The following SPINDOC variants were observed in gnomAD, a reference collection of about 807,000 sequenced individuals.
SPINDOC encodes the protein spindlin interactor and repressor of chromatin-binding protein.
In SPINDOC, 13 loss-of-function variants were observed where a neutral mutation model predicts 30.7. That is an observed-to-expected ratio of 0.42 (90% CI 0.28 to 0.67). The LOEUF (loss-of-function observed/expected upper bound fraction) is 0.67. Ranked by LOEUF, SPINDOC falls within the 30% of genes least tolerant of loss-of-function variation. The pLI, the probability that SPINDOC is intolerant of heterozygous loss-of-function variation, is 0.22. For missense variants in SPINDOC, 438 were observed against 518.0 expected (o/e 0.85, Z 1.50); for synonymous variants, 228 against 211.4 (o/e 1.08, Z -0.68).
At chr11:63,813,964 G>A in intron 1 of SPINDOC, 151 bp downstream of exon 1, 1 of 963,982 alleles carries the variant, frequency 1.0e-6, no homozygotes, top group Non-Finnish European at 1.4e-6. Flanking sequence ...TCCAGGGCGC[G>A]CTCTTGCACC....
At position 63,818,295 on chromosome 11, in the gene SPINDOC, T is replaced by C. The variant is rs780782688; in HGVS notation, c.537T>C (p.Leu179=). ...TGCCAGCCGAAATCGTCGTTCTCCT[T>C]GACTCTGAGGATAACCCATCCCTCC... ...ARMPAEIVVL[L]DSEDNPSLPK... is the part of the protein sequence containing the mutation. The change falls in exon 3 of 6, where the codon CTT becomes CTC. Residue 179 remains leucine, a synonymous_variant. Coordinates refer to ENST00000294244, the MANE Select transcript of SPINDOC (RefSeq NM_138471.3). This position sits in a 1 kb window ranked among gnomAD's most constrained non-coding sequence, Gnocchi z 5.3. 1.9e-6 allele frequency: 3 copies of C among 1,613,890 alleles called. No individual in the cohort carries two copies. Among genetic ancestry groups the C allele is most frequent in the South Asian group, 1.1e-5 (1 of 91,066 alleles).
In SPINDOC at chr11:63,827,076, C is replaced by T. The variant is rs201677326; in HGVS notation, c.1083C>T (p.Pro361=). The change falls in exon 6 of 6, where the codon CCC becomes CCT. Residue 361 remains proline, a synonymous_variant. Transcript: ENST00000294244. ...GAGCAGGTGACACCTCAGACTGGCC[C>T]ACAGTTCTGTCAGAATCCAGCACCA... is the stretch of plus-strand genomic sequence containing the variant. ...RVGAGDTSDW[P]TVLSESSTTV... 6.2e-7 allele frequency: 1 copy of T among 1,610,876 alleles called. No individual in the cohort carries two copies. The highest frequency in any genetic ancestry group is 2.2e-5 in the East Asian group (1 of 44,702).
At position 63,818,381 on chromosome 11, in the gene SPINDOC, A is replaced by G; in HGVS notation, c.607+16A>G. ...GAGCTTCCTGGTTAGTCAACAGAGA[A>G]GCCAGTGAGCCCCGGTGGAGGTGGG... is the stretch of plus-strand genomic sequence containing the variant. On this transcript the variant is annotated intron_variant, in intron 3 of 5. Transcript: ENST00000294244. This position sits in a 1 kb window ranked among gnomAD's most constrained non-coding sequence, Gnocchi z 5.3. 6.2e-7 allele frequency: 1 copy of G among 1,612,520 alleles called. No homozygotes were observed. The highest frequency in any genetic ancestry group is 8.5e-7 in the Non-Finnish European group (1 of 1,179,184).
At chr11:63,826,861 CA>C (rs2015665286) in intron 5 of SPINDOC, 66 bp from the exon 6 acceptor site, 4 of 795,326 alleles carry the variant, frequency 5.0e-6, no homozygotes, top group South Asian at 4.3e-5. Flanking sequence ...GCGGAGCTTC[CA>C]GGGGGCATCC....
At position 63,818,557 on chromosome 11, in the gene SPINDOC, A is replaced by C; in HGVS notation, c.638A>C (p.Lys213Thr). Residue 213 changes from lysine (K) to threonine (T), a missense_variant, in exon 4 of 6, where the codon AAG becomes ACG. Lys to Thr is a moderately conservative substitution (Grantham distance 78). Around this residue, in one of 3 missense-constraint regions of SPINDOC, gnomAD observed 300 missense variants for 332.8 expected, o/e 0.90. Coordinates refer to ENST00000294244, the MANE Select transcript of SPINDOC (RefSeq NM_138471.3). This position sits in a 1 kb window ranked among gnomAD's most constrained non-coding sequence, Gnocchi z 5.3. ...CCTGCCACAGAGCCAGGAAATAAGAAGCCCCGTGGTCAGAGATGGAAGGAA... is the reference window on the plus strand; with the variant it reads ...CCTGCCACAGAGCCAGGAAATAAGACGCCCCGTGGTCAGAGATGGAAGGAA... ...AVPATEPGNK[K>T]PRGQRWKEPP... The C allele has an allele frequency of 6.2e-7, 1 of 1,613,360 alleles. No individual in the cohort carries two copies. Among genetic ancestry groups the C allele is most frequent in the Non-Finnish European group, 8.5e-7 (1 of 1,180,020 alleles).
At chr11:63,822,895 G>A in intron 5 of SPINDOC, 10 of 1,287,578 alleles carry the variant, frequency 7.8e-6, no homozygotes, top group Non-Finnish European at 1.0e-5. Flanking sequence ...TTTCTTTGGG[G>A]TGAGTGGGCA....
intron 5 of SPINDOC, among the ~76,000 whole-genome samples, chr11:63,826,551 C>T (rs1386178004): frequency 6.6e-6 from 1 of 152,174 alleles, no homozygotes; most frequent in Non-Finnish European, 1.5e-5. Context: ...CTCTGCCCCA[C>T]TCAGGCAGAA....
Position 63,813,629 on chromosome 11 carries a change from T to C in SPINDOC, c.-58T>C. Reference sequence around the variant, plus strand: ...CAGGAGGCGGGAGGCGGTTGCCGGCTGCGCGCCGAAGCCTGCGCGCCAGTC... The same window carrying C: ...CAGGAGGCGGGAGGCGGTTGCCGGCCGCGCGCCGAAGCCTGCGCGCCAGTC... On this transcript the variant is annotated 5_prime_UTR_variant, in exon 1 of 6. Coordinates refer to ENST00000294244, the MANE Select transcript of SPINDOC (RefSeq NM_138471.3). The C allele has an allele frequency of 2.1e-6, 3 of 1,434,652 alleles. No individual in the cohort carries two copies. Among genetic ancestry groups the C allele is most frequent in the Non-Finnish European group, 2.8e-6 (3 of 1,089,874 alleles). 88.9% of individuals were successfully genotyped at this position (1,434,652 alleles called of 1,614,324 possible). A position where few individuals can be genotyped will look rare whatever the true frequency, so the allele number is the denominator to read the frequency against.
chr11:63,819,149 G>A (rs1023363206), intron 5 of SPINDOC, 147 bp downstream of exon 5: 6 of 691,934 alleles, frequency 8.7e-6, no homozygotes, highest in African/African-American at 1.8e-5. Context: ...CCTGGTACAC[G>A]GGGCCGGGGC....
intron 1 of SPINDOC, among the ~76,000 whole-genome samples, chr11:63,815,328 G>A (rs903632707): frequency 4.6e-5 from 7 of 152,350 alleles, no homozygotes; most frequent in East Asian, 1.9e-4. Flanking sequence ...GAAAGATTTC[G>A]GTGGAGAGAG....
At chr11:63,822,662 C>A in intron 5 of SPINDOC, 1 of 1,289,096 alleles carries the variant, frequency 7.8e-7, no homozygotes, top group Non-Finnish European at 1.0e-6. Flanking sequence ...AGTCCTGGCT[C>A]CCTGAGACCG....
Position 63,816,242 on chromosome 11 carries a change from T to G in SPINDOC, c.128-1563T>G, listed in dbSNP as rs58572066. On this transcript the variant is annotated intron_variant, in intron 1 of 5. Coordinates refer to ENST00000294244, the MANE Select transcript of SPINDOC (RefSeq NM_138471.3). ...GAAGGGAGGGAATATTGAGAAGAGA[T>G]GAGGAAGAACTAGCACACATAACTG... is the stretch of plus-strand genomic sequence containing the variant. 4.7e-3 allele frequency among the ~76,000 whole-genome samples: 716 copies of G among 151,804 alleles called. 4 individuals carry two copies. Among genetic ancestry groups the G allele is most frequent in the African/African-American group, 0.017 (683 of 41,362 alleles).
intron 1 of SPINDOC, among the ~76,000 whole-genome samples, chr11:63,816,339 AG>A (rs1304150096): frequency 1.3e-5 from 2 of 152,230 alleles, no homozygotes; most frequent in African/African-American, 2.4e-5. Flanking sequence ...ATGAAAATCA[AG>A]ATGGAAGAGG....
chr11:63,822,141 G>A (rs935385017), intron 5 of SPINDOC, among the ~76,000 whole-genome samples: 12 of 151,968 alleles, frequency 7.9e-5, no homozygotes, highest in Admixed American at 2.6e-4. Flanking sequence ...CTAGGTGTTC[G>A]AGACCAACCT....
intron 1 of SPINDOC, among the ~76,000 whole-genome samples, chr11:63,817,463 G>A (rs780852893): frequency 2.6e-5 from 4 of 152,152 alleles, no homozygotes; most frequent in South Asian, 2.1e-4. Context: ...GGAAAGCTTC[G>A]CAGGGATGAT....
At chr11:63,815,417 G>C (rs1182241145) in intron 1 of SPINDOC, among the ~76,000 whole-genome samples, 1 of 152,238 alleles carries the variant, frequency 6.6e-6, no homozygotes, top group East Asian at 1.9e-4. Context: ...GGGGAAGGCT[G>C]CGGTGCTCTT....
chr11:63,827,391 A>C lies in SPINDOC; in HGVS notation c.*252A>C, dbSNP rs1030022577. ...TGGGCCTGTGGAGAACACCTACCCCAGTCCTTCGCTGACCCCCACCTCTGT... is the reference window on the plus strand; with the variant it reads ...TGGGCCTGTGGAGAACACCTACCCCCGTCCTTCGCTGACCCCCACCTCTGT... On this transcript the variant is annotated 3_prime_UTR_variant, in exon 6 of 6. Coordinates refer to ENST00000294244, the MANE Select transcript of SPINDOC (RefSeq NM_138471.3). 5 of 587,498 alleles carry C rather than the reference A, an allele frequency of 8.5e-6. No homozygotes were observed. The highest frequency in any genetic ancestry group is 1.5e-5 in the Non-Finnish European group (5 of 334,784). The allele number at this position is 587,498 out of a possible 1,614,324, so 36.4% of individuals were successfully genotyped here.
chr11:63,821,923 A>T (rs565532514), intron 5 of SPINDOC, among the ~76,000 whole-genome samples: 2 of 152,196 alleles, frequency 1.3e-5, no homozygotes, highest in South Asian at 4.1e-4. Context: ...TAATTCTTAA[A>T]TTTTTTGTAG....
rs2015252829 is a variant in SPINDOC at position 63,813,588 on chromosome 11, C to G, written c.-99C>G. The G allele has an allele frequency of 1.8e-6, 2 of 1,112,886 alleles. No homozygotes were observed. The highest frequency in any genetic ancestry group is 3.4e-5 in the African/African-American group (2 of 59,662). The allele number at this position is 1,112,886 out of a possible 1,614,324, so 68.9% of individuals were successfully genotyped here. On this transcript the variant is annotated 5_prime_UTR_variant, in exon 1 of 6. Transcript: ENST00000294244. ...GGGCTGCGCGGGGCGGGCGGCGGGCCCGGCGCTATTCCGGCCAGGAGGCGG... is the reference window on the plus strand; with the variant it reads ...GGGCTGCGCGGGGCGGGCGGCGGGCGCGGCGCTATTCCGGCCAGGAGGCGG...
Sources: allele counts gnomAD v4.1 joint callset (sites outside exome capture counted in the v4.1 genomes callset), GRCh38; gene constraint gnomAD v4.1.1; regional missense constraint gnomAD v4.1.1; non-coding constraint Gnocchi (gnomAD v3.1); transcripts MANE v1.5; gene names NCBI Gene and HGNC (gene_info 2026-07-23, HGNC 2026-07-21).